Variants in HNF4G observed in about 807,000 individuals in gnomAD.
HNF4G encodes hepatocyte nuclear factor 4-gamma.
Under a neutral mutation model 50.9 loss-of-function variants are expected in HNF4G, and 21 were observed. That is an observed-to-expected ratio of 0.41 (90% confidence interval 0.29 to 0.59). The LOEUF is 0.59. HNF4G is among the 20% of genes least tolerant of loss of function. The pLI, the probability that HNF4G is intolerant of heterozygous loss-of-function variation, is 0.26. For synonymous variants in HNF4G, 198 were observed against 185.6 expected (o/e 1.07, Z -0.54); for missense variants, 527 against 559.4 (o/e 0.94, Z 0.58).
chr8:75,563,372 TCTTTGCATCA>T (rs1182332881), intron 9 of HNF4G, among the ~76,000 whole-genome samples: 1 of 151,988 alleles, frequency 6.6e-6, no homozygotes, highest in Non-Finnish European at 1.5e-5. Flanking sequence ...TCAGGCTTGC[TCTTTGCATCA>T]AAGGGGATGC....
At chr8:75,475,713 A>AT (rs1388293935) in intron 1 of HNF4G, among the ~76,000 whole-genome samples, 11 of 151,896 alleles carry the variant, frequency 7.2e-5, no homozygotes, top group Non-Finnish European at 1.6e-4. Flanking sequence ...GAGTTTTTTT[A>AT]TTTTTTCATT....
At chr8:75,489,903 C>T (rs758604481) in intron 1 of HNF4G, among the ~76,000 whole-genome samples, 1 of 152,186 alleles carries the variant, frequency 6.6e-6, no homozygotes, top group Non-Finnish European at 1.5e-5. Context: ...TCCTGTGGCA[C>T]TAGAGTTTTC....
intron 1 of HNF4G, among the ~76,000 whole-genome samples, chr8:75,453,548 T>C (rs1056914065): frequency 3.0e-5 from 4 of 131,734 alleles, no homozygotes; most frequent in African/African-American, 1.1e-4. Context: ...CTAGGGTTCC[T>C]TTCCATGCTG....
intron 5 of HNF4G, 68 bp downstream of exon 5, chr8:75,553,265 C>G: frequency 7.5e-7 from 1 of 1,332,220 alleles, no homozygotes; most frequent in Non-Finnish European, 1.1e-6. Context: ...TATGTTCTTT[C>G]CATATTATTT....
At chr8:75,512,711 G>A (rs982607302) in intron 2 of HNF4G, among the ~76,000 whole-genome samples, 2 of 151,966 alleles carry the variant, frequency 1.3e-5, no homozygotes, top group East Asian at 1.9e-4. Flanking sequence ...AGATCCGCCC[G>A]CCTCCACCTC....
rs79830322 is a variant in HNF4G at position 75,521,831 on chromosome 8, T to C, written c.-23-21980T>C. ...AGTCCATTGCATGTCTCTTTTAAAG[T>C]TATAGTCACTCCACATCTTACACTT... On this transcript the variant is annotated intron_variant, in intron 2 of 10. Transcript: ENST00000354370. Among the ~76,000 whole-genome samples the C allele has an allele frequency of 2.0e-5, 3 of 152,284 alleles. No homozygotes were observed. In the East Asian group the frequency reaches 5.8e-4, roughly 29 times the overall value.
intron 2 of HNF4G, among the ~76,000 whole-genome samples, chr8:75,491,459 A>G (rs1394204185): frequency 1.3e-5 from 2 of 152,014 alleles, no homozygotes; most frequent in East Asian, 1.9e-4. Flanking sequence ...TAAAATCACT[A>G]TAATTCTTTT....
chr8:75,550,553 G>T (rs149944634), intron 3 of HNF4G, among the ~76,000 whole-genome samples: 15 of 151,892 alleles, frequency 9.9e-5, no homozygotes, highest in Middle Eastern at 3.4e-3. Flanking sequence ...CCTCAGCCTC[G>T]CAAAGTGCTG....
At chr8:75,412,393 G>C (rs1254053191) in intron 1 of HNF4G, among the ~76,000 whole-genome samples, 2 of 152,168 alleles carry the variant, frequency 1.3e-5, no homozygotes, top group Non-Finnish European at 2.9e-5. Flanking sequence ...TACTTTCAAA[G>C]TACATATGGA....
intron 2 of HNF4G, among the ~76,000 whole-genome samples, chr8:75,518,254 C>T (rs542073372): frequency 5.7e-4 from 86 of 149,912 alleles, no homozygotes; most frequent in Admixed American, 8.7e-4. Context: ...TTTTTTTGTC[C>T]TTGTGATAGT....
intron 1 of HNF4G, among the ~76,000 whole-genome samples, chr8:75,464,457 C>G (rs1182271408): frequency 1.3e-5 from 2 of 152,088 alleles, no homozygotes; most frequent in African/African-American, 2.4e-5. Context: ...TTTACCCCCT[C>G]AAAGTTTTAT....
At chr8:75,540,842 A>C (rs1806598441) in intron 1 of HNF4G, among the ~76,000 whole-genome samples, 1 of 106,522 alleles carries the variant, frequency 9.4e-6, no homozygotes, top group African/African-American at 4.9e-5. Context: ...TATACTTTGG[A>C]AAATGTGTAT....
intron 2 of HNF4G, among the ~76,000 whole-genome samples, 172 bp downstream of exon 2, chr8:75,544,151 T>C (rs1319463524): frequency 1.3e-5 from 2 of 152,230 alleles, no homozygotes; most frequent in Non-Finnish European, 2.9e-5. Context: ...TGTATTCACA[T>C]AGGTGTTCTT....
chr8:75,471,241 A>G (rs1394308023), intron 1 of HNF4G, among the ~76,000 whole-genome samples: 2 of 152,180 alleles, frequency 1.3e-5, no homozygotes, highest in African/African-American at 4.8e-5. Context: ...GAATTATTCT[A>G]CTGCCAGTAG....
At chr8:75,449,554 T>A (rs1302135899) in intron 1 of HNF4G, among the ~76,000 whole-genome samples, 2 of 143,838 alleles carry the variant, frequency 1.4e-5, no homozygotes, top group South Asian at 4.3e-4. Context: ...TCGCCCAGGC[T>A]GTAGTGCAGT....
intron 1 of HNF4G, among the ~76,000 whole-genome samples, chr8:75,473,651 C>T (rs577483475): frequency 6.6e-6 from 1 of 152,276 alleles, no homozygotes; most frequent in East Asian, 1.9e-4. Flanking sequence ...CTGACTGTCT[C>T]CATCATCCAC....
intron 1 of HNF4G, among the ~76,000 whole-genome samples, chr8:75,542,197 C>T (rs1405908765): frequency 9.9e-5 from 15 of 151,800 alleles, no homozygotes; most frequent in African/African-American, 3.4e-4. Context: ...CCCAACTACT[C>T]GGGAGGCTGA....
At chr8:75,532,853 A>G (rs973277463) in intron 2 of HNF4G, among the ~76,000 whole-genome samples, 1 of 152,064 alleles carries the variant, frequency 6.6e-6, no homozygotes, top group Admixed American at 6.6e-5. Flanking sequence ...GTTCTGTTGC[A>G]GAAGTCTAAA....
intron 5 of HNF4G, 148 bp from the exon 6 acceptor site, chr8:75,555,834 G>C (rs1296062713): frequency 2.4e-6 from 1 of 414,674 alleles, no homozygotes; most frequent in Admixed American, 4.3e-5. Context: ...AAACTGGAAG[G>C]CTTAATGATG....
Sources: gnomAD v4.1 joint callset for allele counts (sites outside exome capture counted in the v4.1 genomes callset) on GRCh38, gnomAD v4.1.1 for gene constraint, MANE v1.5 for transcripts, NCBI Gene and HGNC (gene_info 2026-07-23, HGNC 2026-07-21) for gene names.